Variants in NOX4 observed in about 807,000 individuals in gnomAD.
NOX4 encodes kidney oxidase-1.
A neutral mutation model predicts 87.6 loss-of-function variants in NOX4; 69 were observed. That is an observed-to-expected ratio of 0.79 (90% CI 0.65 to 0.96). The LOEUF is 0.96. Among genes scored for constraint, NOX4 ranks in the 40% least tolerant of loss-of-function variants. The pLI is 0.00. For synonymous variants in NOX4, 275 were observed against 238.2 expected, an observed-to-expected ratio of 1.15 and a Z score of -1.42; for missense variants, 680 against 681.5, an observed-to-expected ratio of 1.00 and a Z score of 0.02.
chr11:89,554,164 G>A, the NOX4 span, among the ~76,000 whole-genome samples: 7 of 151,756 alleles, frequency 4.6e-5, no homozygotes, highest in African/African-American at 1.7e-4. Context: ...AATAAAAGGG[G>A]GGGAGGGGAA....
the NOX4 span, among the ~76,000 whole-genome samples, chr11:89,543,295 A>G: frequency 2.0e-5 from 3 of 152,196 alleles, no homozygotes; most frequent in African/African-American, 4.8e-5. Flanking sequence ...TATGTGATCA[A>G]TCTTGACAGT....
chr11:89,501,289 G>A (rs1022421982), upstream of NOX4, among the ~76,000 whole-genome samples: 3 of 152,058 alleles, frequency 2.0e-5, no homozygotes, highest in Non-Finnish European at 4.4e-5. Flanking sequence ...ACTTCAGAGT[G>A]TAGAAAAGCT....
intron 2 of NOX4, among the ~76,000 whole-genome samples, chr11:89,452,539 G>GT (rs1214171228): frequency 1.3e-5 from 2 of 151,642 alleles, no homozygotes; most frequent in African/African-American, 2.4e-5. Context: ...CCTTTCTAAT[G>GT]TTTTTTTAAA....
At chr11:89,467,349 C>CA (rs71052233) in intron 2 of NOX4, among the ~76,000 whole-genome samples, 3,447 of 61,450 alleles carry the variant, frequency 0.056, 266 homozygotes, top group Non-Finnish European at 0.069. Context: ...AAACTCGTCA[C>CA]AAAAAAAAAA....
chr11:89,458,619 A>G (rs1033837424), intron 2 of NOX4, among the ~76,000 whole-genome samples: 1 of 152,180 alleles, frequency 6.6e-6, no homozygotes, highest in Non-Finnish European at 1.5e-5. Flanking sequence ...AAAAACAAAC[A>G]ATCTCATTAA....
chr11:89,484,072 C>T (rs954695272), intron 2 of NOX4, among the ~76,000 whole-genome samples: 1 of 152,074 alleles, frequency 6.6e-6, no homozygotes, highest in African/African-American at 2.4e-5. Flanking sequence ...GTGCAAAGCT[C>T]TTAGACTAAA....
At chr11:89,390,128 T>C (rs1941027219) in intron 11 of NOX4, among the ~76,000 whole-genome samples, 1 of 152,202 alleles carries the variant, frequency 6.6e-6, no homozygotes. Flanking sequence ...GCATTTTACA[T>C]TTCTAAGTGC....
intron 14 of NOX4, among the ~76,000 whole-genome samples, chr11:89,341,297 A>G (rs1320859524): frequency 6.6e-6 from 1 of 151,584 alleles, no homozygotes; most frequent in Non-Finnish European, 1.5e-5. Context: ...TGATTTTTAT[A>G]TTGTTAGTAG....
rs189181721 is a variant in NOX4, at chr11:89,417,793, T to C, written c.629+4109A>G. Among the ~76,000 whole-genome samples the C allele has an allele frequency of 2.2e-3, 339 of 152,208 alleles. 1 individual carries two copies. Among genetic ancestry groups the C allele is most frequent in the African/African-American group, 7.9e-3 (327 of 41,540 alleles). The stretch of plus-strand genomic sequence containing the variant: ...TAAGTATGTCTATATTCTGCCTACT[T>C]TGCTGCATTACTTTAAACCCAAGAC... On this transcript the variant is annotated intron_variant, in intron 8 of 17. Coordinates refer to ENST00000263317, the MANE Select transcript of NOX4 (RefSeq NM_016931.5).
the NOX4 span, among the ~76,000 whole-genome samples, chr11:89,539,991 C>G: frequency 2.0e-5 from 3 of 152,178 alleles, no homozygotes; most frequent in African/African-American, 7.2e-5. Flanking sequence ...GAAGCAGACT[C>G]AGGCTTGAGT....
At chr11:89,476,787 A>G (rs1946186626) in intron 2 of NOX4, among the ~76,000 whole-genome samples, 2 of 152,240 alleles carry the variant, frequency 1.3e-5, no homozygotes, top group African/African-American at 4.8e-5. Context: ...ACCATGTAGC[A>G]GTTGGTAGCA....
intron 2 of NOX4, among the ~76,000 whole-genome samples, chr11:89,462,515 C>T (rs1471134737): frequency 6.6e-6 from 1 of 152,062 alleles, no homozygotes; most frequent in Non-Finnish European, 1.5e-5. Context: ...GATAGATAAA[C>T]TGACCAACGG....
intron 2 of NOX4, among the ~76,000 whole-genome samples, chr11:89,460,388 G>A (rs981701871): frequency 5.3e-5 from 8 of 152,042 alleles, no homozygotes; most frequent in African/African-American, 1.9e-4. Flanking sequence ...TACGGAATGG[G>A]AGAAAATTTT....
the NOX4 span, among the ~76,000 whole-genome samples, chr11:89,563,242 G>T: frequency 0.017 from 2,559 of 152,244 alleles, 29 homozygotes; most frequent in Middle Eastern, 0.058. Context: ...TTGTCAATTT[G>T]CATGGTACCT....
chr11:89,494,253 C>T (rs532512908), upstream of NOX4, among the ~76,000 whole-genome samples: 2 of 152,214 alleles, frequency 1.3e-5, no homozygotes, highest in South Asian at 2.1e-4. Context: ...TAATGGTAAG[C>T]TAGTAGTATA....
intron 2 of NOX4, among the ~76,000 whole-genome samples, chr11:89,471,714 T>C (rs1049371023): frequency 6.6e-5 from 10 of 152,092 alleles, no homozygotes; most frequent in Non-Finnish European, 1.0e-4. Context: ...ATTACCTAAC[T>C]TTTTTGATTG....
chr11:89,573,186 T>G, the NOX4 span, among the ~76,000 whole-genome samples: 6 of 152,222 alleles, frequency 3.9e-5, no homozygotes, highest in South Asian at 1.2e-3. Flanking sequence ...GCAGTCGGTA[T>G]TCATTTAAAT....
the NOX4 span, among the ~76,000 whole-genome samples, chr11:89,586,461 T>C: frequency 6.6e-6 from 1 of 152,140 alleles, no homozygotes; most frequent in Non-Finnish European, 1.5e-5. Flanking sequence ...AGTGTCAGAG[T>C]GAGCTTTGAG....
intron 8 of NOX4, among the ~76,000 whole-genome samples, chr11:89,415,390 A>G (rs11018607): frequency 6.6e-6 from 1 of 152,212 alleles, no homozygotes; most frequent in East Asian, 1.9e-4. Flanking sequence ...CAGTGATTCT[A>G]ACTCTAAATA....
Sources: allele counts gnomAD v4.1 joint callset (sites outside exome capture counted in the v4.1 genomes callset), GRCh38; gene constraint gnomAD v4.1.1; transcripts MANE v1.5; gene names NCBI Gene and HGNC (gene_info 2026-07-23, HGNC 2026-07-21).